CDK5RAP2: variants seen among roughly 807,000 people sequenced by gnomAD.
The protein encoded by CDK5RAP2 is CDK5 regulatory subunit associated protein 2.
A neutral mutation model predicts 232.9 loss-of-function variants in CDK5RAP2; 147 were observed. The ratio of observed to expected loss-of-function variants is 0.63; its 90% CI spans 0.55 to 0.72. CDK5RAP2 has a LOEUF of 0.72. Among genes scored for constraint, CDK5RAP2 ranks in the 30% least tolerant of loss-of-function variants. The pLI, the probability that CDK5RAP2 is intolerant of heterozygous loss-of-function variation, is 0.00. For missense variants in CDK5RAP2, 2,195 were observed against 2,231.5 expected, an observed-to-expected ratio of 0.98 and a Z score of 0.33; for synonymous variants, 833 against 833.7, an observed-to-expected ratio of 1.00 and a Z score of 0.01.
chr9:120,426,594 C>T (rs1235687640), intron 25 of CDK5RAP2, among the ~76,000 whole-genome samples: 1 of 152,142 alleles, frequency 6.6e-6, no homozygotes, highest in Non-Finnish European at 1.5e-5. Context: ...TGGCCATCCT[C>T]AGAGGCAAAT....
At chr9:120,576,313 G>A (rs1480081542) in intron 1 of CDK5RAP2, among the ~76,000 whole-genome samples, 1 of 152,160 alleles carries the variant, frequency 6.6e-6, no homozygotes, top group Non-Finnish European at 1.5e-5. Flanking sequence ...ATGGACGATG[G>A]ATTTGAATAC....
chr9:120,500,699 C>T (rs2039533962), intron 12 of CDK5RAP2, among the ~76,000 whole-genome samples: 1 of 152,334 alleles, frequency 6.6e-6, no homozygotes, highest in African/African-American at 2.4e-5. Flanking sequence ...CACAAACATA[C>T]ACACATAAGC....
At chr9:120,537,498 A>G (rs1042722018) in intron 6 of CDK5RAP2, among the ~76,000 whole-genome samples, 4 of 152,186 alleles carry the variant, frequency 2.6e-5, no homozygotes, top group African/African-American at 7.2e-5. Flanking sequence ...GTTATTTACT[A>G]AATGCCAGGC....
rs764475914 is a variant in CDK5RAP2 at position 120,453,589 on chromosome 9, T to G, written c.2660A>C (p.His887Pro). ...TTCCCAAGCCTCTCTTGTTGCTTCA[T>G]GCTTGAATCTCAGCAGGTCGCCCTC... ...ATEGDLLRFK[H>P]EATREAWEEK... is the part of the protein sequence containing the mutation. Residue 887 changes from histidine (H) to proline (P), a missense_variant, in exon 21 of 38, where the codon CAT becomes CCT. Coordinates refer to ENST00000349780, the MANE Select transcript of CDK5RAP2 (RefSeq NM_018249.6). The G allele has an allele frequency of 5.6e-6, 9 of 1,614,210 alleles. No individual in the cohort carries two copies. In the Admixed American group the frequency reaches 1.5e-4, roughly 27 times the overall value.
chr9:120,574,510 C>T (rs2042959534), intron 1 of CDK5RAP2, among the ~76,000 whole-genome samples: 1 of 152,218 alleles, frequency 6.6e-6, no homozygotes, highest in Non-Finnish European at 1.5e-5. Flanking sequence ...AAGCCAAGCC[C>T]AAAATCCAGG....
chr9:120,557,322 G>A (rs2042266652), intron 3 of CDK5RAP2, among the ~76,000 whole-genome samples: 1 of 152,100 alleles, frequency 6.6e-6, no homozygotes, highest in African/African-American at 2.4e-5. Flanking sequence ...TCAGAGCAAT[G>A]CCCATACTGC....
intron 22 of CDK5RAP2, among the ~76,000 whole-genome samples, chr9:120,447,066 G>C (rs1405238626): frequency 1.3e-5 from 2 of 152,174 alleles, no homozygotes; most frequent in Non-Finnish European, 2.9e-5. Flanking sequence ...GCCTAGAATA[G>C]TGCTTGGCAC....
Position 120,439,502 on chromosome 9 carries a change from C to G in CDK5RAP2, c.3619G>C (p.Glu1207Gln). 1 of 1,614,236 alleles carries G rather than the reference C, an allele frequency of 6.2e-7. No homozygotes were observed. The highest frequency in any genetic ancestry group is 1.1e-5 in the South Asian group (1 of 91,086). The stretch of plus-strand genomic sequence containing the variant: ...TTCTGCAGCTTGTATTCCTGTTCCT[C>G]CAGCTGCTGTTTGAGGTTCTCCAGC... ...RVLENLKQQL[E>Q]EQEYKLQKEQ... Residue 1207 changes from glutamate to glutamine, a missense_variant, in exon 24 of 38, where the codon GAG becomes CAG. Transcript: ENST00000349780.
chr9:120,553,659 G>A (rs1429905413), intron 3 of CDK5RAP2, among the ~76,000 whole-genome samples: 1 of 152,214 alleles, frequency 6.6e-6, no homozygotes, highest in Non-Finnish European at 1.5e-5. Context: ...CTTGGCTTTG[G>A]TGATGGTTAT....
intron 32 of CDK5RAP2, among the ~76,000 whole-genome samples, chr9:120,404,716 T>C (rs142198232): frequency 5.5e-4 from 84 of 152,248 alleles, no homozygotes; most frequent in African/African-American, 2.0e-3. Flanking sequence ...AGGTCTGTAT[T>C]TTGTACTGAA....
chr9:120,549,171 A>AAG (rs2041962073), intron 4 of CDK5RAP2, among the ~76,000 whole-genome samples: 3 of 150,390 alleles, frequency 2.0e-5, no homozygotes, highest in African/African-American at 2.5e-5. Context: ...AAAAAAAAAA[A>AAG]AGAGACAGAA....
At chr9:120,396,270 A>G (rs951149169) in intron 35 of CDK5RAP2, among the ~76,000 whole-genome samples, 1 of 152,256 alleles carries the variant, frequency 6.6e-6, no homozygotes, top group Non-Finnish European at 1.5e-5. Context: ...CTTGGGGCTA[A>G]GAGCTCACAA....
chr9:120,520,670 T>C (rs2040579713), intron 11 of CDK5RAP2, among the ~76,000 whole-genome samples: 1 of 151,690 alleles, frequency 6.6e-6, no homozygotes, highest in Non-Finnish European at 1.5e-5. Flanking sequence ...CTCTCTCTCA[T>C]ATATCACATA....
At chr9:120,515,316 A>C (rs1384866790) in intron 12 of CDK5RAP2, among the ~76,000 whole-genome samples, 1 of 152,130 alleles carries the variant, frequency 6.6e-6, no homozygotes, top group Admixed American at 6.5e-5. Context: ...CACCCCTTTC[A>C]TTCTCAAGTG....
intron 26 of CDK5RAP2, among the ~76,000 whole-genome samples, chr9:120,420,621 C>T (rs1221224333): frequency 6.6e-6 from 1 of 152,140 alleles, no homozygotes; most frequent in East Asian, 1.9e-4. Flanking sequence ...GAAAAGCCCA[C>T]ATGAATCTCC....
At chr9:120,429,872 A>G (rs1276637287) in intron 25 of CDK5RAP2, among the ~76,000 whole-genome samples, 1 of 152,252 alleles carries the variant, frequency 6.6e-6, no homozygotes. Context: ...CTACAAGGCT[A>G]CAGTAACCAA....
chr9:120,548,391 T>C (rs922614554), intron 4 of CDK5RAP2, among the ~76,000 whole-genome samples: 1 of 152,202 alleles, frequency 6.6e-6, no homozygotes. Context: ...AATGCTAACA[T>C]GTCCATTCGG....
Position 120,520,775 on chromosome 9 carries a change from TATCTCATGAG to T in CDK5RAP2, c.1093-2140_1093-2131del, listed in dbSNP as rs1564332427. Among the ~76,000 whole-genome samples the T allele has an allele frequency of 2.1e-3, 317 of 148,518 alleles. 1 individual carries two copies. Among genetic ancestry groups the T allele is most frequent in the Admixed American group, 4.1e-3 (57 of 14,038 alleles). On this transcript the variant is annotated intron_variant, in intron 11 of 37. Coordinates refer to ENST00000349780, the MANE Select transcript of CDK5RAP2 (RefSeq NM_018249.6). ...CATATCTCATGAGATATATCTCAGA[TATCTCATGAG>T]ATATATCTCATATATCTCATGAGAT...
chr9:120,420,739 G>C (rs2034517420), intron 26 of CDK5RAP2, among the ~76,000 whole-genome samples: 1 of 152,136 alleles, frequency 6.6e-6, no homozygotes, highest in African/African-American at 2.4e-5. Context: ...CAACAGCAAA[G>C]ACTCTAAGGC....
Sources: gnomAD v4.1 joint callset for allele counts (sites outside exome capture counted in the v4.1 genomes callset) on GRCh38, gnomAD v4.1.1 for gene constraint, MANE v1.5 for transcripts, NCBI Gene and HGNC (gene_info 2026-07-23, HGNC 2026-07-21) for gene names.